Variants in ATP10B observed in about 807,000 individuals in gnomAD.
The protein encoded by ATP10B is phospholipid-transporting ATPase VB.
In ATP10B, 122 loss-of-function variants were observed where a neutral mutation model predicts 141.2. That is an observed-to-expected ratio of 0.86 (90% CI 0.75 to 1.00). The LOEUF (loss-of-function observed/expected upper bound fraction) is 1.00, where lower values mean the gene tolerates loss of function less well. ATP10B is among the 50% of genes least tolerant of loss of function. ATP10B has a pLI of 0.00. For synonymous variants in ATP10B, 685 were observed against 692.0 expected (o/e 0.99, Z 0.16); for missense variants, 1,876 against 1,825.3 (o/e 1.03, Z -0.51).
intron 1 of ATP10B, among the ~76,000 whole-genome samples, chr5:160,810,349 TATTTA>T (rs1162527867): frequency 4.6e-5 from 7 of 152,134 alleles, no homozygotes; most frequent in African/African-American, 1.4e-4. Flanking sequence ...TTTTTTGACC[TATTTA>T]AAGTTTTAAA....
At position 160,734,765 on chromosome 5, in the gene ATP10B, C is replaced by T. The variant is rs144886241; in HGVS notation, c.-330-17731G>A. Among the ~76,000 whole-genome samples, 383 of 151,682 alleles carry T rather than the reference C, an allele frequency of 2.5e-3. 3 individuals carry two copies. The highest frequency in any genetic ancestry group is 8.8e-3 in the African/African-American group (363 of 41,426). ...TAAATAACAAAATAGTAGACTAAGA[C>T]GTAACTATATTAAAATTACATTAAC... is the stretch of plus-strand genomic sequence containing the variant. On this transcript the variant is annotated intron_variant, in intron 2 of 25. Transcript: ENST00000327245.
At chr5:160,736,594 T>C (rs1474799784) in intron 2 of ATP10B, among the ~76,000 whole-genome samples, 5 of 152,084 alleles carry the variant, frequency 3.3e-5, no homozygotes, top group African/African-American at 1.2e-4. Context: ...ACCCCGTCTC[T>C]ACTAAAAATA....
chr5:160,624,399 A>T (rs1370135926), intron 13 of ATP10B, among the ~76,000 whole-genome samples: 2 of 152,188 alleles, frequency 1.3e-5, no homozygotes, highest in Non-Finnish European at 2.9e-5. Flanking sequence ...GGTGCTCTTC[A>T]GGAGTCCACA....
chr5:160,785,358 A>C (rs1317742729), intron 2 of ATP10B, among the ~76,000 whole-genome samples: 2 of 152,158 alleles, frequency 1.3e-5, no homozygotes, highest in Non-Finnish European at 2.9e-5. Context: ...TTTACTTGGC[A>C]TCTGACATAC....
chr5:160,769,914 G>A (rs183440770), intron 2 of ATP10B, among the ~76,000 whole-genome samples: 1 of 152,118 alleles, frequency 6.6e-6, no homozygotes, highest in South Asian at 2.1e-4. Flanking sequence ...GATTTTGCCC[G>A]AAGGGGATGC....
intron 2 of ATP10B, among the ~76,000 whole-genome samples, chr5:160,745,375 T>A (rs1767741864): frequency 6.6e-6 from 1 of 152,238 alleles, no homozygotes; most frequent in Non-Finnish European, 1.5e-5. Flanking sequence ...AATTGTCACA[T>A]GACTGAGGAA....
chr5:160,829,237 G>A (rs1253943788), intron 1 of ATP10B, among the ~76,000 whole-genome samples: 2 of 151,610 alleles, frequency 1.3e-5, no homozygotes, highest in African/African-American at 2.4e-5. Context: ...CGTTGTTTTT[G>A]TCAGCCTTAT....
At chr5:160,641,147 G>A (rs1759829552) in intron 9 of ATP10B, among the ~76,000 whole-genome samples, 1 of 152,208 alleles carries the variant, frequency 6.6e-6, no homozygotes, top group African/African-American at 2.4e-5. Context: ...TGGAAAAGAG[G>A]TGGTGTTGGA....
chr5:160,578,281 T>A (rs925112826), intron 24 of ATP10B, among the ~76,000 whole-genome samples: 6 of 152,190 alleles, frequency 3.9e-5, no homozygotes, highest in African/African-American at 1.4e-4. Flanking sequence ...CGTGCCATGG[T>A]GGTTTGCTGC....
intron 23 of ATP10B, among the ~76,000 whole-genome samples, chr5:160,590,779 G>A (rs1756235305): frequency 6.6e-6 from 1 of 152,228 alleles, no homozygotes; most frequent in African/African-American, 2.4e-5. Flanking sequence ...ATGCTCACAA[G>A]GTGAGCCCAG....
the ATP10B span, among the ~76,000 whole-genome samples, chr5:160,926,566 G>A: frequency 6.6e-5 from 10 of 152,336 alleles, no homozygotes; most frequent in South Asian, 2.1e-3. Flanking sequence ...AAACAGACAG[G>A]GCTGGGGCTG....
intron 13 of ATP10B, among the ~76,000 whole-genome samples, chr5:160,628,666 A>G (rs927501719): frequency 2.6e-5 from 4 of 152,146 alleles, no homozygotes; most frequent in Admixed American, 2.6e-4. Context: ...CCCCAATACA[A>G]ATTTTATGAT....
At chr5:160,915,881 C>T in the ATP10B span, among the ~76,000 whole-genome samples, 2 of 152,092 alleles carry the variant, frequency 1.3e-5, no homozygotes. Flanking sequence ...TACATGCTCT[C>T]CTGTTCTTTC....
chr5:160,837,270 G>A (rs893613564), intron 1 of ATP10B, among the ~76,000 whole-genome samples: 2 of 152,074 alleles, frequency 1.3e-5, no homozygotes, highest in Non-Finnish European at 2.9e-5. Flanking sequence ...GCTACATATT[G>A]TTACTATACC....
At chr5:160,835,518 T>C (rs1333348500) in intron 1 of ATP10B, among the ~76,000 whole-genome samples, 1 of 152,162 alleles carries the variant, frequency 6.6e-6, no homozygotes, top group Admixed American at 6.6e-5. Flanking sequence ...TGTGCTACTT[T>C]TGGATCTTGA....
chr5:160,637,935 G>A (rs1156760609), intron 10 of ATP10B, among the ~76,000 whole-genome samples: 3 of 152,188 alleles, frequency 2.0e-5, no homozygotes, highest in African/African-American at 7.2e-5. Context: ...ACAGAGTAAG[G>A]GCCACTGGCC....
At chr5:160,802,779 G>A (rs904032834) in intron 1 of ATP10B, among the ~76,000 whole-genome samples, 4 of 152,206 alleles carry the variant, frequency 2.6e-5, no homozygotes, top group Non-Finnish European at 4.4e-5. Context: ...ACTTGCAACC[G>A]CTGCTGTGTC....
intron 17 of ATP10B, chr5:160,614,055 T>A (rs1006398114): frequency 2.0e-5 from 3 of 150,792 alleles, no homozygotes; most frequent in Non-Finnish European, 4.4e-5. Context: ...CGGTGGAAAG[T>A]GGAATTCTCT....
intron 22 of ATP10B, among the ~76,000 whole-genome samples, chr5:160,594,822 T>G (rs1756568693): frequency 6.6e-6 from 1 of 152,072 alleles, no homozygotes; most frequent in African/African-American, 2.4e-5. Flanking sequence ...AGGGATCAAT[T>G]CAACAAGAAG....
Sources: allele counts gnomAD v4.1 joint callset (sites outside exome capture counted in the v4.1 genomes callset), GRCh38; gene constraint gnomAD v4.1.1; transcripts MANE v1.5; gene names NCBI Gene and HGNC (gene_info 2026-07-23, HGNC 2026-07-21).